Variants in CDK14 observed in about 807,000 individuals in gnomAD.
The protein encoded by CDK14 is cyclin dependent kinase 14, also known as cyclin-dependent kinase 14.
CDK14 carries 34 observed loss-of-function variants against 60.7 expected under a neutral mutation model. That is an observed-to-expected ratio of 0.56 (90% CI 0.43 to 0.75). The LOEUF (loss-of-function observed/expected upper bound fraction) is 0.75, where lower values mean the gene tolerates loss of function less well. Among genes scored for constraint, CDK14 ranks in the 30% least tolerant of loss-of-function variants. CDK14 has a pLI of 0.00. For synonymous variants in CDK14, 197 were observed against 203.7 expected (o/e 0.97, Z 0.28); for missense variants, 482 against 564.1 (o/e 0.85, Z 1.47).
intron 8 of CDK14, among the ~76,000 whole-genome samples, chr7:90,937,197 T>C (rs1435715467): frequency 2.0e-5 from 3 of 152,226 alleles, no homozygotes; most frequent in African/African-American, 7.2e-5. Context: ...GTGTATTGTA[T>C]GATATATATG....
chr7:90,973,322 C>A (rs1415362885), intron 9 of CDK14, among the ~76,000 whole-genome samples: 1 of 152,134 alleles, frequency 6.6e-6, no homozygotes, highest in African/African-American at 2.4e-5. Flanking sequence ...ATTGTTCCTG[C>A]TGCACATATG....
At chr7:90,874,838 T>C (rs1791505622) in intron 6 of CDK14, among the ~76,000 whole-genome samples, 1 of 152,202 alleles carries the variant, frequency 6.6e-6, no homozygotes, top group Non-Finnish European at 1.5e-5. Context: ...TCATCCTTTT[T>C]TTAATGTGTG....
At chr7:90,876,557 G>A (rs1010779328) in intron 6 of CDK14, among the ~76,000 whole-genome samples, 5 of 152,146 alleles carry the variant, frequency 3.3e-5, no homozygotes, top group Non-Finnish European at 7.4e-5. Context: ...ATTGTTCTCC[G>A]CATAAGCAGT....
chr7:90,708,010 T>C (rs1204205078), intron 2 of CDK14, among the ~76,000 whole-genome samples: 1 of 152,174 alleles, frequency 6.6e-6, no homozygotes, highest in African/African-American at 2.4e-5. Context: ...TGTTTGTTGG[T>C]TTTTATACAA....
intron 14 of CDK14, among the ~76,000 whole-genome samples, chr7:91,121,817 C>T (rs1353212762): frequency 6.6e-6 from 1 of 152,154 alleles, no homozygotes; most frequent in Non-Finnish European, 1.5e-5. Flanking sequence ...CTTCTAAAGT[C>T]TGAGAGAGCC....
chr7:90,644,913 G>GCTTT (rs1190977753), intron 2 of CDK14, among the ~76,000 whole-genome samples: 1 of 152,196 alleles, frequency 6.6e-6, no homozygotes, highest in African/African-American at 2.4e-5. Context: ...GTCGAATTTA[G>GCTTT]CTTTTCTTTT....
In CDK14 at chr7:90,809,329, G is replaced by A. The variant is rs546563806; in HGVS notation, c.544+18677G>A. Among the ~76,000 whole-genome samples the A allele has an allele frequency of 2.8e-4, 43 of 152,156 alleles. No individual in the cohort carries two copies. The South Asian group carries it at 4.0e-3, about 14-fold the overall frequency. On this transcript the variant is annotated intron_variant, in intron 5 of 14. Transcript: ENST00000380050. ...AGGATTCAGAAACTCACTCAAAACCGCTCAACTACATGGAAACTGAACAAC... is the reference window on the plus strand; with the variant it reads ...AGGATTCAGAAACTCACTCAAAACCACTCAACTACATGGAAACTGAACAAC...
intron 2 of CDK14, among the ~76,000 whole-genome samples, chr7:90,647,780 C>T (rs930771138): frequency 3.9e-5 from 6 of 152,068 alleles, no homozygotes; most frequent in African/African-American, 1.4e-4. Flanking sequence ...CACTTGAGCC[C>T]AGGAGTTCGA....
chr7:91,123,379 A>C (rs1395968263), intron 14 of CDK14, among the ~76,000 whole-genome samples: 2 of 152,108 alleles, frequency 1.3e-5, no homozygotes, highest in Admixed American at 1.3e-4. Flanking sequence ...TGTAATTGAC[A>C]ACAATTGTTG....
chr7:90,764,554 G>A (rs1376959635), intron 4 of CDK14, among the ~76,000 whole-genome samples: 2 of 152,142 alleles, frequency 1.3e-5, no homozygotes, highest in East Asian at 3.9e-4. Flanking sequence ...ATCTAGGATT[G>A]CAATTTGCAT....
chr7:91,001,225 G>A (rs1001794322), intron 10 of CDK14, among the ~76,000 whole-genome samples: 1 of 152,186 alleles, frequency 6.6e-6, no homozygotes, highest in African/African-American at 2.4e-5. Flanking sequence ...TAGGATGACA[G>A]ATTAATTCCC....
intron 5 of CDK14, among the ~76,000 whole-genome samples, chr7:90,847,503 C>G (rs2117167896): frequency 6.6e-6 from 1 of 152,218 alleles, no homozygotes; most frequent in South Asian, 2.1e-4. Flanking sequence ...ACTTTATCCC[C>G]TGAGCTCTGT....
chr7:90,682,454 A>G (rs1327336408), intron 2 of CDK14, among the ~76,000 whole-genome samples: 1 of 152,188 alleles, frequency 6.6e-6, no homozygotes, highest in Non-Finnish European at 1.5e-5. Flanking sequence ...AGGTAGACAT[A>G]TAGTCTCTTT....
chr7:90,759,864 G>A (rs1464139354), intron 4 of CDK14, among the ~76,000 whole-genome samples: 1 of 152,102 alleles, frequency 6.6e-6, no homozygotes, highest in Admixed American at 6.6e-5. Context: ...CTGATCTCTG[G>A]TCACTTTCTC....
At chr7:90,863,420 C>G in intron 6 of CDK14, 151 bp downstream of exon 6, 2 of 485,796 alleles carry the variant, frequency 4.1e-6, no homozygotes, top group Non-Finnish European at 7.2e-6. Context: ...AAATAAAGGC[C>G]CTATAAGAGA....
chr7:90,946,220 T>G (rs2117529452), intron 8 of CDK14, among the ~76,000 whole-genome samples: 1 of 152,378 alleles, frequency 6.6e-6, no homozygotes, highest in South Asian at 2.1e-4. Context: ...GTGGTATGTA[T>G]TTATTTCATG....
At chr7:90,733,020 G>A (rs1300255169) in intron 3 of CDK14, among the ~76,000 whole-genome samples, 2 of 151,898 alleles carry the variant, frequency 1.3e-5, no homozygotes, top group Admixed American at 6.6e-5. Context: ...AATGTGTCCT[G>A]GAGATTCTGG....
intron 10 of CDK14, among the ~76,000 whole-genome samples, chr7:91,033,964 A>C (rs1005414612): frequency 6.6e-6 from 1 of 152,236 alleles, no homozygotes; most frequent in African/African-American, 2.4e-5. Flanking sequence ...AGGGAAAAGC[A>C]TGAAAATTTA....
At chr7:90,653,813 CCTT>C (rs1213543380) in intron 2 of CDK14, among the ~76,000 whole-genome samples, 1 of 152,152 alleles carries the variant, frequency 6.6e-6, no homozygotes, top group African/African-American at 2.4e-5. Context: ...TGCTATCCCT[CCTT>C]CTCCCCCCAC....
Sources: gnomAD v4.1 joint callset for allele counts (sites outside exome capture counted in the v4.1 genomes callset) on GRCh38, gnomAD v4.1.1 for gene constraint, MANE v1.5 for transcripts, NCBI Gene and HGNC (gene_info 2026-07-23, HGNC 2026-07-21) for gene names.